The following USH2A variants were observed in gnomAD, a reference collection of about 807,000 sequenced individuals.
USH2A encodes Usher syndrome 2A (autosomal recessive, mild).
Under a neutral mutation model 538.9 loss-of-function variants are expected in USH2A, and 443 were observed. The observed-to-expected ratio is 0.82, with a 90% confidence interval of 0.76 to 0.89. The LOEUF (loss-of-function observed/expected upper bound fraction) is 0.89. Ranked by LOEUF, USH2A falls within the 40% of genes least tolerant of loss-of-function variation. The pLI, the probability that USH2A is intolerant of heterozygous loss-of-function variation, is 0.00. For missense variants in USH2A, 6,633 were observed against 6,324.8 expected (o/e 1.05, Z -1.65); for synonymous variants, 2,413 against 2,273.5 (o/e 1.06, Z -1.75).
chr1:216,109,669 G>T (rs2032819666), intron 21 of USH2A, among the ~76,000 whole-genome samples: 1 of 152,062 alleles, frequency 6.6e-6, no homozygotes, highest in South Asian at 2.1e-4. Context: ...CTTGACTCCA[G>T]TCAATTTGTA....
At chr1:216,126,050 G>A (rs1244740456) in intron 21 of USH2A, among the ~76,000 whole-genome samples, 4 of 152,170 alleles carry the variant, frequency 2.6e-5, no homozygotes, top group Admixed American at 6.5e-5. Context: ...TATCAAAGTA[G>A]AAATGCAGTG....
chr1:215,917,299 C>T (rs112272824), intron 38 of USH2A, among the ~76,000 whole-genome samples: 1,748 of 152,064 alleles, frequency 0.011, 19 homozygotes, highest in South Asian at 0.025. Flanking sequence ...ATTTTGAATA[C>T]GATCATATTC....
chr1:215,744,474 GTCTCCTTGA>G (rs1167564304), intron 58 of USH2A, among the ~76,000 whole-genome samples: 2 of 152,274 alleles, frequency 1.3e-5, no homozygotes, highest in East Asian at 1.9e-4. Flanking sequence ...CTATTACATT[GTCTCCTTGA>G]TCTGAGAGTT....
intron 32 of USH2A, among the ~76,000 whole-genome samples, chr1:216,042,072 C>T (rs1171178576): frequency 2.0e-5 from 3 of 151,692 alleles, no homozygotes; most frequent in Admixed American, 6.6e-5. Flanking sequence ...TGGTTAAATG[C>T]ATTAATAAAT....
chr1:216,212,172 G>C (rs2035255262), intron 15 of USH2A, among the ~76,000 whole-genome samples: 1 of 151,986 alleles, frequency 6.6e-6, no homozygotes, highest in Admixed American at 6.6e-5. Flanking sequence ...AAATATCCTT[G>C]GCAACAAAAG....
intron 3 of USH2A, among the ~76,000 whole-genome samples, chr1:216,402,377 A>C (rs191576810): frequency 7.2e-5 from 11 of 152,242 alleles, no homozygotes; most frequent in Admixed American, 2.0e-4. Context: ...AAAAACATAG[A>C]ACTGAATGCA....
Position 216,086,791 on chromosome 1 carries a change from C to T in USH2A, c.4915G>A (p.Val1639Ile). 13 of 1,613,002 alleles carry T rather than the reference C, an allele frequency of 8.1e-6. No homozygotes were observed. The highest frequency in any genetic ancestry group is 1.1e-5 in the Non-Finnish European group (13 of 1,179,308). ...GSSAILNGSTVIGDNTGVFLG... is the reference protein window; with the variant it reads ...GSSAILNGSTIIGDNTGVFLG... ...AAGACTCCTGTGTTATCTCCAATAA[C>T]AGTACTACCATTCAGGATGGCAGAG... is the stretch of plus-strand genomic sequence containing the variant. The change falls in exon 24 of 72, where the codon GTT becomes ATT. Residue 1639 changes from valine (V) to isoleucine (I), a missense_variant. Coordinates refer to ENST00000307340, the MANE Select transcript of USH2A (RefSeq NM_206933.4).
intron 61 of USH2A, among the ~76,000 whole-genome samples, chr1:215,715,011 T>C (rs1220973438): frequency 6.6e-6 from 1 of 152,236 alleles, no homozygotes; most frequent in East Asian, 1.9e-4. Context: ...AGTTCCGGGA[T>C]ACACGTGCAG....
In USH2A at chr1:215,766,730, G is replaced by T. The variant is rs1661140054; in HGVS notation, c.10998C>A (p.Cys3666Ter). The change falls in exon 56 of 72, where the codon TGC (cysteine) becomes TGA (stop). Residue 3666 changes from cysteine to a stop codon, truncating the protein, a stop_gained. Transcript: ENST00000307340. LOFTEE classifies it high-confidence loss of function. The stretch of plus-strand genomic sequence containing the variant: ...GACCTAGAAAAGGCTCGCTTGAAGT[G>T]CACCCAGCAGATGTACAAGCTGTAA... ...FTLTACTSAG[C>*]TSSEPFLGQT... The T allele has an allele frequency of 6.2e-7, 1 of 1,613,658 alleles. No individual in the cohort carries two copies. The highest frequency in any genetic ancestry group is 8.5e-7 in the Non-Finnish European group (1 of 1,179,648).
chr1:215,836,471 TATATATATA>T (rs1558119734), intron 47 of USH2A, among the ~76,000 whole-genome samples: 1,890 of 12,876 alleles, frequency 0.15, 252 homozygotes, highest in Admixed American at 0.2. Flanking sequence ...ATATTATATA[TATATATATA>T]ATATATATTA....
intron 67 of USH2A, among the ~76,000 whole-genome samples, chr1:215,646,574 T>G (rs1008261494): frequency 2.0e-5 from 3 of 152,142 alleles, no homozygotes; most frequent in Non-Finnish European, 4.4e-5. Context: ...TTGCCCAGGC[T>G]GGAGTACAGT....
At position 215,892,344 on chromosome 1, in the gene USH2A, G is replaced by A. The variant is rs1309175207; in HGVS notation, c.7595-3290C>T. On this transcript the variant is annotated intron_variant, in intron 40 of 71. Transcript: ENST00000307340. ...GCAATATTTTACCATTCTAATTAAA[G>A]CCTCGCTCAGTTTAAAAACTCTTTT... Among the ~76,000 whole-genome samples, 5 of 152,026 alleles carry A rather than the reference G, an allele frequency of 3.3e-5. No individual in the cohort carries two copies. The East Asian group carries it at 9.7e-4, about 29-fold the overall frequency.
chr1:215,806,221 C>T lies in USH2A; in HGVS notation c.9740-7096G>A, dbSNP rs1375088461. Among the ~76,000 whole-genome samples the T allele has an allele frequency of 4.6e-5, 7 of 152,194 alleles. No individual in the cohort carries two copies. The East Asian group carries it at 1.4e-3, about 29-fold the overall frequency. ...AGCGGTACACATATCAAATAATTTT[C>T]AGATTCTGCCTTTATTTTTCTTTTC... On this transcript the variant is annotated intron_variant, in intron 49 of 71. Transcript: ENST00000307340.
At chr1:215,644,216 T>C in intron 67 of USH2A, among the ~76,000 whole-genome samples, 1 of 152,040 alleles carries the variant, frequency 6.6e-6, no homozygotes, top group African/African-American at 2.4e-5. Flanking sequence ...GAGATGAAAA[T>C]GGAGAAAGTG....
chr1:216,248,982 A>C (rs2036105436), intron 12 of USH2A, among the ~76,000 whole-genome samples: 1 of 152,208 alleles, frequency 6.6e-6, no homozygotes, highest in East Asian at 1.9e-4. Context: ...TTTACTGGTG[A>C]TAGAATCATT....
chr1:215,958,039 A>G (rs1667112356), intron 37 of USH2A, among the ~76,000 whole-genome samples: 1 of 152,112 alleles, frequency 6.6e-6, no homozygotes, highest in South Asian at 2.1e-4. Context: ...CCCTTTCCTA[A>G]CAGCATTAGC....
intron 13 of USH2A, among the ~76,000 whole-genome samples, chr1:216,232,701 G>A (rs1465519396): frequency 6.6e-6 from 1 of 152,028 alleles, no homozygotes; most frequent in Non-Finnish European, 1.5e-5. Flanking sequence ...CAAGTCCTAT[G>A]GATGTTGCCT....
intron 21 of USH2A, among the ~76,000 whole-genome samples, chr1:216,137,325 A>G (rs570123550): frequency 1.3e-5 from 2 of 152,306 alleles, no homozygotes; most frequent in African/African-American, 4.8e-5. Context: ...ACAGTACTAC[A>G]TGGCTGGGGA....
intron 22 of USH2A, among the ~76,000 whole-genome samples, chr1:216,091,833 A>C (rs2032308877): frequency 6.6e-6 from 1 of 152,168 alleles, no homozygotes; most frequent in Non-Finnish European, 1.5e-5. Flanking sequence ...GAATTCAGTA[A>C]AAACAATTTA....
Sources: allele counts gnomAD v4.1 joint callset (sites outside exome capture counted in the v4.1 genomes callset), GRCh38; gene constraint gnomAD v4.1.1; transcripts MANE v1.5; gene names NCBI Gene and HGNC (gene_info 2026-07-23, HGNC 2026-07-21).